The following TIAM1 variants were observed in gnomAD, a reference collection of about 807,000 sequenced individuals.
The protein encoded by TIAM1 is rho guanine nucleotide exchange factor TIAM1.
In TIAM1, 65 loss-of-function variants were observed where a neutral mutation model predicts 163.5. The ratio of observed to expected loss-of-function variants is 0.40; its 90% CI spans 0.33 to 0.49. TIAM1 has a LOEUF of 0.49. Ranked by LOEUF, TIAM1 falls within the 20% of genes least tolerant of loss-of-function variation. TIAM1 has a pLI of 0.77. For missense variants in TIAM1, 1,789 were observed against 2,044.7 expected, an observed-to-expected ratio of 0.87 and a Z score of 2.41; for synonymous variants, 833 against 810.1, an observed-to-expected ratio of 1.03 and a Z score of -0.48.
At chr21:31,489,518 GGA>G (rs1290277536) in intron 1 of TIAM1, among the ~76,000 whole-genome samples, 1 of 110,820 alleles carries the variant, frequency 9.0e-6, no homozygotes, top group Non-Finnish European at 1.9e-5. Context: ...AGGGAGGGAA[GGA>G]AGGGAGGGAG....
chr21:31,339,761 A>T (rs1191294100), intron 1 of TIAM1, among the ~76,000 whole-genome samples: 1 of 152,172 alleles, frequency 6.6e-6, no homozygotes, highest in African/African-American at 2.4e-5. Context: ...CTCACAAATC[A>T]ATCCACCCTG....
rs536638034 is a variant in TIAM1, at chr21:31,360,209, T to C, written c.-368-20787A>G. ...GTATCTTCTAAGTGTTTGAAGAAAA[T>C]CACCGCCAACTGAGAATTCTATATG... is the stretch of plus-strand genomic sequence containing the variant. On this transcript the variant is annotated intron_variant, in intron 2 of 28. Transcript: ENST00000286827. 9.9e-5 allele frequency among the ~76,000 whole-genome samples: 15 copies of C among 151,812 alleles called. No homozygotes were observed. In the South Asian group the frequency reaches 2.3e-3, roughly 23 times the overall value.
Position 31,189,045 on chromosome 21 carries a change from T to TC in TIAM1, c.2576-1959_2576-1958insG. Among the ~76,000 whole-genome samples, 2 of 6,340 alleles carry TC rather than the reference T, an allele frequency of 3.2e-4. 1 individual carries two copies. The highest frequency in any genetic ancestry group is 7.1e-4 in the Non-Finnish European group (2 of 2,816). 4.2% of individuals were successfully genotyped at this position (6,340 alleles called of 152,430 possible). On this transcript the variant is annotated intron_variant, in intron 13 of 27. Transcript: ENST00000541036. ...CAGGTATGATTTGCTCCATTCCCTC[T>TC]TTTTTTTTTTTTTTTTTTTTTTTTT...
intron 1 of TIAM1, among the ~76,000 whole-genome samples, chr21:31,513,049 T>G (rs993203332): frequency 6.6e-6 from 1 of 152,232 alleles, no homozygotes; most frequent in African/African-American, 2.4e-5. Flanking sequence ...GAGGGCTAAC[T>G]GCTCTATGCT....
chr21:31,144,917 A>G (rs954622461), intron 20 of TIAM1, among the ~76,000 whole-genome samples: 2 of 152,006 alleles, frequency 1.3e-5, no homozygotes, highest in South Asian at 2.1e-4. Context: ...AGATAATATA[A>G]TATTTTTCTT....
chr21:31,347,059 G>A (rs553873813), upstream of TIAM1, among the ~76,000 whole-genome samples: 32 of 152,214 alleles, frequency 2.1e-4, no homozygotes, highest in African/African-American at 7.0e-4. Flanking sequence ...TGGTGGGGAC[G>A]CAATACATAC....
At position 31,150,796 on chromosome 21, in the gene TIAM1, G is replaced by A. The variant is rs546445369; in HGVS notation, c.3366+1840C>T. Among the ~76,000 whole-genome samples the A allele has an allele frequency of 6.6e-5, 10 of 152,110 alleles. 1 individual carries two copies. The highest frequency in any genetic ancestry group is 2.2e-4 in the African/African-American group (9 of 41,500). On this transcript the variant is annotated intron_variant, in intron 19 of 27. Coordinates refer to ENST00000541036, the MANE Select transcript of TIAM1 (RefSeq NM_001353694.2). ...GGCACTGTCAAGAAAATGAAAAGAT[G>A]GGCCTCAAATACAGAAAAAAATATT...
chr21:31,215,917 T>C (rs1276449603), intron 9 of TIAM1, among the ~76,000 whole-genome samples: 4 of 152,056 alleles, frequency 2.6e-5, no homozygotes, highest in Non-Finnish European at 4.4e-5. Flanking sequence ...TCCCAGCACT[T>C]TGGGAGGCCG....
chr21:31,134,121 C>G (rs996632089), intron 23 of TIAM1, among the ~76,000 whole-genome samples: 1 of 152,040 alleles, frequency 6.6e-6, no homozygotes, highest in South Asian at 2.1e-4. Context: ...TTTGCCAACC[C>G]ATTTTCTCCT....
chr21:31,406,099 GCTTAGCAGTGATTA>G (rs2077242779), intron 2 of TIAM1, among the ~76,000 whole-genome samples: 1 of 151,750 alleles, frequency 6.6e-6, no homozygotes, highest in Non-Finnish European at 1.5e-5. Flanking sequence ...GTGATCACTG[GCTTAGCAGTGATTA>G]ATATGGCTCA....
chr21:31,219,024 C>CTTT lies in TIAM1; in HGVS notation c.1996-1328_1996-1326dup, dbSNP rs35555743. Among the ~76,000 whole-genome samples the CTTT allele has an allele frequency of 1.6e-3, 144 of 88,526 alleles. 16 individuals carry two copies. The highest frequency in any genetic ancestry group is 8.0e-3 in the East Asian group (17 of 2,124). The allele number at this position is 88,526 out of a possible 152,430, so 58.1% of individuals were successfully genotyped here. A position where few individuals can be genotyped will look rare whatever the true frequency, so the allele number is the denominator to read the frequency against. ...TGCCAGCAACCCAGAGAAGCATTTC[C>CTTT]TTTTTTTTTTTTTTTTTTTTTTTTT... is the stretch of plus-strand genomic sequence containing the variant. On this transcript the variant is annotated intron_variant, in intron 8 of 27. Transcript: ENST00000541036.
At chr21:31,444,321 T>A (rs1438646040) in intron 2 of TIAM1, among the ~76,000 whole-genome samples, 2 of 122,124 alleles carry the variant, frequency 1.6e-5, no homozygotes, top group Non-Finnish European at 1.7e-5. Flanking sequence ...TGTTGAGAAA[T>A]ACAGCTTCCT....
intron 2 of TIAM1, among the ~76,000 whole-genome samples, chr21:31,377,315 G>A (rs2076704486): frequency 1.3e-5 from 2 of 151,726 alleles, no homozygotes; most frequent in South Asian, 4.2e-4. Flanking sequence ...AAGTGGTCCT[G>A]TCTTCCCTTA....
intron 1 of TIAM1, among the ~76,000 whole-genome samples, chr21:31,543,520 G>A (rs1280510438): frequency 2.3e-5 from 3 of 131,864 alleles, no homozygotes; most frequent in African/African-American, 7.8e-5. Flanking sequence ...AAGAAACATT[G>A]TAACGATTCA....
intron 19 of TIAM1, among the ~76,000 whole-genome samples, chr21:31,152,031 T>C (rs1205834061): frequency 1.2e-5 from 1 of 82,054 alleles, no homozygotes; most frequent in Non-Finnish European, 2.5e-5. Flanking sequence ...CTTTTTTTTT[T>C]TTTTTTTTTT....
rs2081978613 is a variant in TIAM1, at chr21:31,120,915, A to AC, written c.4307-79_4307-78insG. 16 of 1,409,798 alleles carry AC rather than the reference A, an allele frequency of 1.1e-5. No homozygotes were observed. Among genetic ancestry groups the AC allele is most frequent in the Non-Finnish European group, 1.4e-5 (15 of 1,063,412 alleles). The allele number at this position is 1,409,798 out of a possible 1,614,324, so 87.3% of individuals were successfully genotyped here. Reference sequence around the variant, plus strand: ...GATGAAAATCCAGAAAGCAAAGGACAGGAGAAAATAAAAACCAAAACGGTA... The same window carrying AC: ...GATGAAAATCCAGAAAGCAAAGGACACGGAGAAAATAAAAACCAAAACGGTA... On this transcript the variant is annotated intron_variant, in intron 27 of 27. Coordinates refer to ENST00000541036, the MANE Select transcript of TIAM1 (RefSeq NM_001353694.2). This position sits in a 1 kb window ranked among gnomAD's most constrained non-coding sequence, Gnocchi z 4.2.
At position 31,119,765 on chromosome 21, in the gene TIAM1, C is replaced by T. The variant is rs957710741; in HGVS notation, c.*603G>A. 5 of 151,606 alleles carry T rather than the reference C, an allele frequency of 3.3e-5. No homozygotes were observed. The highest frequency in any genetic ancestry group is 1.9e-4 in the East Asian group (1 of 5,148). The allele number at this position is 151,606 out of a possible 1,614,324, so 9.4% of individuals were successfully genotyped here. ...TAATTCTATGCAAAACTAGAGCTTCCGAACATGGACACAGAGTAAGACCAG... is the reference window on the plus strand; with the variant it reads ...TAATTCTATGCAAAACTAGAGCTTCTGAACATGGACACAGAGTAAGACCAG... On this transcript the variant is annotated 3_prime_UTR_variant, in exon 28 of 28. Coordinates refer to ENST00000541036, the MANE Select transcript of TIAM1 (RefSeq NM_001353694.2).
chr21:31,543,810 C>T (rs779476157), intron 1 of TIAM1, among the ~76,000 whole-genome samples: 7 of 152,198 alleles, frequency 4.6e-5, no homozygotes, highest in Non-Finnish European at 7.3e-5. Flanking sequence ...TAGCCATAGC[C>T]ACCGAAAGTT....
intron 2 of TIAM1, among the ~76,000 whole-genome samples, chr21:31,321,850 C>G (rs2075326930): frequency 6.6e-6 from 1 of 151,738 alleles, no homozygotes; most frequent in South Asian, 2.1e-4. Context: ...GTCAGGAGTT[C>G]AAGACCAGCC....
Sources: gnomAD v4.1 joint callset for allele counts (sites outside exome capture counted in the v4.1 genomes callset) on GRCh38, gnomAD v4.1.1 for gene constraint, Gnocchi (gnomAD v3.1) non-coding constraint, MANE v1.5 for transcripts, NCBI Gene and HGNC (gene_info 2026-07-23, HGNC 2026-07-21) for gene names.